SUMF1: variants seen among roughly 807,000 people sequenced by gnomAD.
SUMF1 encodes the protein formylglycine-generating enzyme.
SUMF1 carries 48 observed loss-of-function variants against 47.6 expected under a neutral mutation model. The ratio of observed to expected loss-of-function variants is 1.01; its 90% CI spans 0.80 to 1.28. SUMF1 has a LOEUF of 1.28. SUMF1 is among the 50% of genes most tolerant of loss of function. The pLI is 0.00. For synonymous variants in SUMF1, 230 were observed against 192.1 expected, an observed-to-expected ratio of 1.20 and a Z score of -1.63; for missense variants, 571 against 485.4, an observed-to-expected ratio of 1.18 and a Z score of -1.66.
intron 3 of SUMF1, among the ~76,000 whole-genome samples, chr3:4,437,354 T>C (rs2125089746): frequency 6.6e-6 from 1 of 152,214 alleles, no homozygotes; most frequent in East Asian, 1.9e-4. Flanking sequence ...AGTATTAAAA[T>C]TGATTAACTA....
chr3:4,237,283 C>T (rs1271399482), intron 8 of SUMF1, among the ~76,000 whole-genome samples: 1 of 152,090 alleles, frequency 6.6e-6, no homozygotes, highest in African/African-American at 2.4e-5. Context: ...ATGTACTCAC[C>T]AGCATTTGAT....
intron 8 of SUMF1, among the ~76,000 whole-genome samples, chr3:4,299,258 A>T (rs11920376): frequency 4.6e-5 from 7 of 152,194 alleles, no homozygotes; most frequent in African/African-American, 1.7e-4. Flanking sequence ...ACCCTCTGGG[A>T]GAACAAACAG....
intron 5 of SUMF1, 80 bp downstream of exon 5, chr3:4,417,930 A>C: frequency 6.2e-7 from 1 of 1,604,428 alleles, no homozygotes; most frequent in Admixed American, 1.7e-5. Flanking sequence ...AACCAAAGTA[A>C]GTTCCATGGA....
At chr3:4,387,188 G>A (rs937700193) in intron 7 of SUMF1, among the ~76,000 whole-genome samples, 5 of 151,788 alleles carry the variant, frequency 3.3e-5, no homozygotes, top group Non-Finnish European at 5.9e-5. Context: ...TTCTTTAAAT[G>A]TCTAGTAAAA....
intron 9 of SUMF1, among the ~76,000 whole-genome samples, chr3:4,065,487 T>A (rs1176209611): frequency 1.3e-5 from 2 of 152,182 alleles, no homozygotes; most frequent in Non-Finnish European, 2.9e-5. Context: ...ACCGTATTTT[T>A]AAAAATAATA....
chr3:4,322,504 A>G (rs111379852), intron 8 of SUMF1, among the ~76,000 whole-genome samples: 15 of 152,064 alleles, frequency 9.9e-5, no homozygotes, highest in Admixed American at 6.6e-5. Context: ...AAATGTGCCA[A>G]TGCCAGAAAT....
chr3:4,153,521 G>A (rs1381988911), intron 8 of SUMF1, among the ~76,000 whole-genome samples: 1 of 83,332 alleles, frequency 1.2e-5, no homozygotes, highest in African/African-American at 3.3e-5. Flanking sequence ...CCGCCTTGTA[G>A]GTTTTTTTTT....
chr3:4,383,745 C>A (rs186590659), intron 7 of SUMF1, among the ~76,000 whole-genome samples: 25 of 152,232 alleles, frequency 1.6e-4, no homozygotes, highest in African/African-American at 6.0e-4. Context: ...ATTTGGGAGA[C>A]AAGGGGAAGC....
chr3:4,117,708 G>C (rs189859383), intron 8 of SUMF1, among the ~76,000 whole-genome samples: 14 of 152,036 alleles, frequency 9.2e-5, no homozygotes, highest in Admixed American at 4.6e-4. Context: ...GTGAAAATTT[G>C]GAGCACGGCA....
At chr3:4,243,113 G>A (rs1348915898) in intron 8 of SUMF1, among the ~76,000 whole-genome samples, 1 of 151,968 alleles carries the variant, frequency 6.6e-6, no homozygotes, top group African/African-American at 2.4e-5. Flanking sequence ...GTGATATGCC[G>A]TTTATCATTT....
chr3:4,231,974 T>C (rs1414852485), intron 8 of SUMF1, among the ~76,000 whole-genome samples: 3 of 151,908 alleles, frequency 2.0e-5, no homozygotes, highest in African/African-American at 7.3e-5. Context: ...AGAGTATAGG[T>C]GGTATTGAAG....
chr3:4,151,821 A>C (rs933412189), intron 8 of SUMF1, among the ~76,000 whole-genome samples: 1 of 151,450 alleles, frequency 6.6e-6, no homozygotes, highest in Non-Finnish European at 1.5e-5. Context: ...GGGTTAGACA[A>C]GCTTGATATA....
chr3:4,072,992 A>G lies in SUMF1; in HGVS notation c.1015-4247T>C, dbSNP rs553629157. On this transcript the variant is annotated intron_variant and NMD_transcript_variant, in intron 8 of 12. Transcript: ENST00000448413. ...TTCAGGAAATATAGAGAACACCACA[A>G]AGATATTCCTCGAGAAGAGCAACCC... is the stretch of plus-strand genomic sequence containing the variant. Among the ~76,000 whole-genome samples, 5 of 152,306 alleles carry G rather than the reference A, an allele frequency of 3.3e-5. No homozygotes were observed. In the East Asian group the frequency reaches 5.8e-4, roughly 18 times the overall value.
chr3:4,166,677 C>G (rs536364371), intron 8 of SUMF1, among the ~76,000 whole-genome samples: 1 of 152,214 alleles, frequency 6.6e-6, no homozygotes, highest in South Asian at 2.1e-4. Context: ...AGGCAAGGGT[C>G]AGAACAGATA....
At chr3:4,250,661 G>A (rs1478226488) in intron 8 of SUMF1, among the ~76,000 whole-genome samples, 1 of 152,072 alleles carries the variant, frequency 6.6e-6, no homozygotes, top group Non-Finnish European at 1.5e-5. Context: ...CACAACCGGT[G>A]ACTTAAAGTT....
intron 8 of SUMF1, among the ~76,000 whole-genome samples, chr3:4,369,690 G>T (rs1463537352): frequency 1.3e-5 from 2 of 152,158 alleles, no homozygotes; most frequent in African/African-American, 4.8e-5. Context: ...GGCCAATACA[G>T]GTTGCTTAAA....
At chr3:4,068,137 C>T (rs1197180428) in intron 9 of SUMF1, among the ~76,000 whole-genome samples, 1 of 152,104 alleles carries the variant, frequency 6.6e-6, no homozygotes, top group African/African-American at 2.4e-5. Flanking sequence ...AACCAATTAC[C>T]AGCTTAAAAC....
chr3:4,334,998 A>C (rs1699117391), intron 8 of SUMF1, among the ~76,000 whole-genome samples: 1 of 152,174 alleles, frequency 6.6e-6, no homozygotes, highest in African/African-American at 2.4e-5. Context: ...TACGTAAATA[A>C]AACCTCTCAG....
downstream of SUMF1, among the ~76,000 whole-genome samples, chr3:4,356,569 AATAC>A (rs138992976): frequency 0.016 from 2,315 of 148,878 alleles, 56 homozygotes; most frequent in African/African-American, 0.055. Flanking sequence ...TTCAGAAATA[AATAC>A]ATACAATTTT....
Sources: allele counts gnomAD v4.1 joint callset (sites outside exome capture counted in the v4.1 genomes callset), GRCh38; gene constraint gnomAD v4.1.1; transcripts MANE v1.5; gene names NCBI Gene and HGNC (gene_info 2026-07-23, HGNC 2026-07-21).